MAP4: variants seen among roughly 807,000 people sequenced by gnomAD.
MAP4 encodes microtubule associated protein 4.
In MAP4, 76 loss-of-function variants were observed where a neutral mutation model predicts 170.2. The observed-to-expected ratio is 0.45, with a 90% CI of 0.37 to 0.54. The LOEUF is 0.54. Ranked by LOEUF, MAP4 falls within the 20% of genes least tolerant of loss-of-function variation. The pLI is 0.00. For synonymous variants in MAP4, 909 were observed against 994.5 expected, an observed-to-expected ratio of 0.91 and a Z score of 1.62; for missense variants, 2,506 against 2,748.0, an observed-to-expected ratio of 0.91 and a Z score of 1.97.
chr3:47,983,025 G>A (rs1230012880), intron 2 of MAP4, among the ~76,000 whole-genome samples: 1 of 152,060 alleles, frequency 6.6e-6, no homozygotes, highest in Non-Finnish European at 1.5e-5. Context: ...AACATCCCAA[G>A]TAGCTGGTAG....
intron 1 of MAP4, 81 bp from the exon 2 acceptor site, chr3:47,998,960 G>T: frequency 1.2e-6 from 1 of 807,212 alleles, no homozygotes; most frequent in Non-Finnish European, 2.1e-6. Context: ...TCAATTGTTT[G>T]AAACAAACAA....
intron 1 of MAP4, among the ~76,000 whole-genome samples, chr3:48,064,140 C>A (rs1446177278): frequency 2.6e-5 from 4 of 152,162 alleles, no homozygotes; most frequent in Admixed American, 6.5e-5. Context: ...GCAGGACTAA[C>A]AAATTCTAAC....
At chr3:48,028,765 C>T (rs1185134147) in intron 1 of MAP4, among the ~76,000 whole-genome samples, 6 of 104,178 alleles carry the variant, frequency 5.8e-5, no homozygotes, top group African/African-American at 1.8e-4. Flanking sequence ...GAGTGAGACT[C>T]CTTCTCAAAA....
intron 3 of MAP4, among the ~76,000 whole-genome samples, chr3:47,958,988 T>C (rs537523405): frequency 1.3e-5 from 2 of 152,236 alleles, no homozygotes; most frequent in African/African-American, 4.8e-5. Flanking sequence ...GCCTTGAAAT[T>C]AGATTTATAA....
chr3:47,977,804 A>G, intron 3 of MAP4, 61 bp downstream of exon 3: 1 of 1,094,918 alleles, frequency 9.1e-7, no homozygotes, highest in Admixed American at 1.7e-5. Flanking sequence ...AAAGGAGATT[A>G]TCAAGGTGTT....
At chr3:48,001,155 C>A (rs1281000391) in intron 1 of MAP4, among the ~76,000 whole-genome samples, 3 of 151,490 alleles carry the variant, frequency 2.0e-5, no homozygotes, top group Non-Finnish European at 4.4e-5. Flanking sequence ...TAATTAAGGC[C>A]AGGGGCAAGA....
chr3:47,912,432 A>G lies in MAP4; in HGVS notation c.2000-11T>C, dbSNP rs76760242. On this transcript the variant is annotated splice_polypyrimidine_tract_variant and intron_variant, in intron 8 of 20. Transcript: ENST00000683076. The stretch of plus-strand genomic sequence containing the variant: ...AATACATGAAGTTGGCTAAAATTCC[A>G]AACAAAAAACTCCTCGTTATTGTTT... 1,033 of 1,458,864 alleles carry G rather than the reference A, an allele frequency of 7.1e-4. 8 individuals are homozygous for G. In the African/African-American group the frequency reaches 0.012, roughly 18 times the overall value. 90.4% of individuals were successfully genotyped at this position (1,458,864 alleles called of 1,614,324 possible). A position where few individuals can be genotyped will look rare whatever the true frequency, so the allele number is the denominator to read the frequency against.
intron 1 of MAP4, among the ~76,000 whole-genome samples, chr3:48,027,639 G>A (rs572251225): frequency 6.6e-6 from 1 of 152,072 alleles, no homozygotes; most frequent in East Asian, 1.9e-4. Context: ...AAGCCCAGGG[G>A]CTCGAGACCA....
intron 3 of MAP4, among the ~76,000 whole-genome samples, chr3:47,950,542 A>G (rs1473116821): frequency 6.6e-6 from 1 of 152,094 alleles, no homozygotes; most frequent in Non-Finnish European, 1.5e-5. Context: ...AGTTCACCTC[A>G]TTGGTTGACT....
intron 1 of MAP4, among the ~76,000 whole-genome samples, chr3:48,070,897 C>T (rs1013189944): frequency 2.0e-5 from 3 of 150,296 alleles, no homozygotes; most frequent in Admixed American, 2.0e-4. Context: ...TGGTGGTGAG[C>T]GCCTGTAGTC....
At chr3:47,973,445 A>G in intron 3 of MAP4, 1 of 985,228 alleles carries the variant, frequency 1.0e-6, no homozygotes, top group Non-Finnish European at 1.2e-6. Context: ...TATGTGAAAC[A>G]TAAAATTTCT....
intron 10 of MAP4, among the ~76,000 whole-genome samples, chr3:47,881,899 C>T (rs1450013329): frequency 1.3e-5 from 2 of 152,068 alleles, no homozygotes; most frequent in Non-Finnish European, 2.9e-5. Flanking sequence ...CTGTACCTGG[C>T]CTACTTGAGT....
intron 1 of MAP4, among the ~76,000 whole-genome samples, chr3:48,076,156 G>A (rs866743527): frequency 3.3e-5 from 5 of 151,754 alleles, no homozygotes; most frequent in East Asian, 3.9e-4. Flanking sequence ...CAAGGAAAGC[G>A]GATCACTTGA....
chr3:47,903,850 G>A (rs1475601177), intron 9 of MAP4, among the ~76,000 whole-genome samples: 1 of 152,158 alleles, frequency 6.6e-6, no homozygotes, highest in Admixed American at 6.5e-5. Flanking sequence ...AAAAGTACAT[G>A]TAAATAAATC....
Position 48,048,372 on chromosome 3 carries a change from G to C in MAP4, c.-20+40401C>G, listed in dbSNP as rs910651385. Among the ~76,000 whole-genome samples, 4 of 151,802 alleles carry C rather than the reference G, an allele frequency of 2.6e-5. No individual in the cohort carries two copies. In the South Asian group the frequency reaches 8.3e-4, roughly 32 times the overall value. On this transcript the variant is annotated intron_variant, in intron 1 of 18. Transcript: ENST00000360240. ...TGCCTCCTAACCACACCTAGTAAAA[G>C]TAGCATCACTTATTTGGCAACATCT...
chr3:47,909,833 T>TATTCTTAAGAGAGTG lies in MAP4; in HGVS notation c.4573_4587dup (p.His1525_Asn1529dup). 6.2e-7 allele frequency: 1 copy of TATTCTTAAGAGAGTG among 1,614,072 alleles called. No homozygotes were observed. The highest frequency in any genetic ancestry group is 8.5e-7 in the Non-Finnish European group (1 of 1,179,888). On this transcript the variant is annotated inframe_insertion, in exon 9 of 21. Coordinates refer to ENST00000683076, the MANE Select transcript of MAP4 (RefSeq NM_001385682.1). ...TTCATGGAATCAGCAAGCTCAGCTT[T>TATTCTTAAGAGAGTG]ATTCTTAAGAGAGTGATCTCCATGA...
At chr3:47,955,987 G>GA (rs776269768) in intron 3 of MAP4, among the ~76,000 whole-genome samples, 1 of 152,086 alleles carries the variant, frequency 6.6e-6, no homozygotes, top group Non-Finnish European at 1.5e-5. Context: ...CTCTTTTGCA[G>GA]AAAATTATTC....
intron 1 of MAP4, among the ~76,000 whole-genome samples, chr3:48,072,823 C>T (rs1232679597): frequency 6.6e-6 from 1 of 152,202 alleles, no homozygotes; most frequent in Non-Finnish European, 1.5e-5. Context: ...AGTCCCACTA[C>T]TGTAGCACCT....
chr3:48,052,288 C>A (rs137940952), intron 1 of MAP4, among the ~76,000 whole-genome samples: 206 of 152,288 alleles, frequency 1.4e-3, no homozygotes, highest in African/African-American at 4.6e-3. Context: ...GTGGCGCGAT[C>A]TTGGCTCACT....
Sources: allele counts gnomAD v4.1 joint callset (sites outside exome capture counted in the v4.1 genomes callset), GRCh38; gene constraint gnomAD v4.1.1; transcripts MANE v1.5; gene names NCBI Gene and HGNC (gene_info 2026-07-23, HGNC 2026-07-21).